The following RPL34 variants were observed in gnomAD, a reference collection of about 807,000 sequenced individuals.
RPL34 encodes the protein ribosomal protein L34.
A neutral mutation model predicts 16.3 loss-of-function variants in RPL34; 2 were observed. The ratio of observed to expected loss-of-function variants is 0.12; its 90% CI spans 0.05 to 0.39. The LOEUF (loss-of-function observed/expected upper bound fraction) is 0.39. Among genes scored for constraint, RPL34 ranks in the 10% least tolerant of loss-of-function variants. The probability of loss-of-function intolerance (pLI) is 0.99; values close to 1 mark genes in which losing one functional copy is unlikely to be tolerated. For missense variants in RPL34, 82 were observed against 148.8 expected, an observed-to-expected ratio of 0.55 and a Z score of 2.33; for synonymous variants, 47 against 48.5, an observed-to-expected ratio of 0.97 and a Z score of 0.13.
At chr4:108,621,015 G>A (rs1191269566) in intron 1 of RPL34, 2 of 152,186 alleles carry the variant, frequency 1.3e-5, no homozygotes, top group Admixed American at 1.3e-4. Context: ...TGGCTTCTGC[G>A]TCCAAGGCCC....
chr4:108,621,633 GT>G, intron 1 of RPL34: 1 of 292,688 alleles, frequency 3.4e-6, no homozygotes, highest in South Asian at 3.6e-5. Context: ...GTTTAAAGCG[GT>G]GTTTCTCCAA....
At chr4:108,622,868 C>A (rs1385282924) in intron 4 of RPL34, 1 of 374,440 alleles carries the variant, frequency 2.7e-6, no homozygotes, top group African/African-American at 2.1e-5. Flanking sequence ...GTAAGAAAGT[C>A]TCTGTTAGTG....
At chr4:108,628,796 T>C (rs575015219), downstream of RPL34, among the ~76,000 whole-genome samples, 40 of 152,288 alleles carry the variant, frequency 2.6e-4, no homozygotes, top group Non-Finnish European at 4.6e-4. Flanking sequence ...AATAGAATGA[T>C]AAAAAATCTC....
downstream of RPL34, among the ~76,000 whole-genome samples, chr4:108,628,146 G>T (rs1726074978): frequency 2.0e-5 from 3 of 152,200 alleles, no homozygotes; most frequent in Admixed American, 6.5e-5. Context: ...AAACGATTGA[G>T]ATACATTAGC....
downstream of RPL34, among the ~76,000 whole-genome samples, chr4:108,626,182 G>A (rs1725993960): frequency 6.6e-6 from 1 of 152,136 alleles, no homozygotes; most frequent in South Asian, 2.1e-4. Flanking sequence ...CACTCCTGCT[G>A]CCCAGCCTGG....
intron 4 of RPL34, among the ~76,000 whole-genome samples, chr4:108,624,486 A>G (rs1448589151): frequency 6.6e-6 from 1 of 152,200 alleles, no homozygotes; most frequent in Non-Finnish European, 1.5e-5. Context: ...GTCCTGTGCA[A>G]CACTGTAATG....
chr4:108,622,295 A>ACCACT, intron 3 of RPL34, 91 bp downstream of exon 3: 1 of 1,008,870 alleles, frequency 9.9e-7, no homozygotes, highest in Middle Eastern at 2.0e-4. Context: ...AGGAGAGGTT[A>ACCACT]CCACTAAGAG....
At position 108,625,195 on chromosome 4, in the gene RPL34, A is replaced by G; in HGVS notation, c.337A>G (p.Ser113Gly). 6.2e-7 allele frequency: 1 copy of G among 1,608,218 alleles called. No individual in the cohort carries two copies. The highest frequency in any genetic ancestry group is 8.5e-7 in the Non-Finnish European group (1 of 1,176,584). Reference protein sequence around the residue: ...VVKVLKAQAQSQKAK With the variant: ...VVKVLKAQAQGQKAK ...GAAAGTGTTGAAGGCACAAGCACAG[A>G]GTCAGAAAGCTAAATAAAAAAATGA... The change falls in exon 5 of 5, where the codon AGT becomes GGT. Residue 113 changes from serine (S) to glycine (G), a missense_variant. Transcript: ENST00000394667.
chr4:108,628,218 T>C (rs1381380407), downstream of RPL34, among the ~76,000 whole-genome samples: 1 of 152,216 alleles, frequency 6.6e-6, no homozygotes, highest in African/African-American at 2.4e-5. Context: ...GAATTAATTA[T>C]CTTGTATAAT....
chr4:108,623,323 ACT>A (rs1323262265), intron 4 of RPL34: 6 of 151,954 alleles, frequency 3.9e-5, no homozygotes, highest in Non-Finnish European at 8.8e-5. Context: ...CAGGAGCGAA[ACT>A]CTGTCTCAAA....
intron 3 of RPL34, 115 bp downstream of exon 3, chr4:108,622,319 T>C: frequency 2.3e-6 from 2 of 888,822 alleles, no homozygotes; most frequent in Non-Finnish European, 3.6e-6. Context: ...TCAGAATTAC[T>C]AAACATTCAT....
At chr4:108,628,664 G>A (rs1726090611), downstream of RPL34, among the ~76,000 whole-genome samples, 1 of 152,106 alleles carries the variant, frequency 6.6e-6, no homozygotes, top group Admixed American at 6.5e-5. Context: ...TGAAATGGGT[G>A]ACCTTTGAGA....
In RPL34 at chr4:108,622,579, C is replaced by T. The variant is rs764340052; in HGVS notation, c.230C>T (p.Ala77Val). 1.7e-5 allele frequency: 28 copies of T among 1,607,816 alleles called. No individual in the cohort carries two copies. The South Asian group carries it at 2.7e-4, about 15-fold the overall frequency. ...AAAACAAAGAAACATGTCAGCAGGG[C>T]CTATGGTGGTTCCATGTGTGCTAAA... Reference protein sequence around the residue: ...LSKTKKHVSRAYGGSMCAKCV... With the variant: ...LSKTKKHVSRVYGGSMCAKCV... Residue 77 changes from alanine (A) to valine (V), a missense_variant, in exon 4 of 5, where the codon GCC becomes GTC. Transcript: ENST00000394667.
At chr4:108,628,495 A>G (rs1237348166), downstream of RPL34, among the ~76,000 whole-genome samples, 1 of 152,210 alleles carries the variant, frequency 6.6e-6, no homozygotes, top group Non-Finnish European at 1.5e-5. Context: ...GTAATTTCTG[A>G]AAAAATTGCT....
At chr4:108,626,355 C>T (rs1421612238), downstream of RPL34, among the ~76,000 whole-genome samples, 24 of 151,976 alleles carry the variant, frequency 1.6e-4, no homozygotes, top group Admixed American at 1.6e-3. Flanking sequence ...TCTCAAAACT[C>T]CTGGGCTCAA....
downstream of RPL34, among the ~76,000 whole-genome samples, chr4:108,629,276 AAT>A (rs1440729714): frequency 3.3e-5 from 5 of 152,318 alleles, no homozygotes; most frequent in African/African-American, 1.2e-4. Flanking sequence ...CTTTTCAAAG[AAT>A]ATTTTAGTAG....
chr4:108,623,679 T>TA (rs1725877638), intron 4 of RPL34, among the ~76,000 whole-genome samples: 1 of 152,178 alleles, frequency 6.6e-6, no homozygotes, highest in African/African-American at 2.4e-5. Context: ...GTGCTGGGAA[T>TA]ACAGGTATAA....
intron 4 of RPL34, 27 bp from the exon 5 acceptor site, chr4:108,625,101 T>A: frequency 1.3e-6 from 2 of 1,489,038 alleles, no homozygotes; most frequent in Non-Finnish European, 1.9e-6. Context: ...TTTAAAGAAA[T>A]GATTAATTTG....
downstream of RPL34, chr4:108,630,081 T>G (rs534253850): frequency 6.6e-6 from 1 of 152,330 alleles, no homozygotes; most frequent in East Asian, 1.9e-4. Flanking sequence ...GAGCCAGTTG[T>G]GTGCATCTCT....
Sources: allele counts gnomAD v4.1 joint callset (sites outside exome capture counted in the v4.1 genomes callset), GRCh38; gene constraint gnomAD v4.1.1; transcripts MANE v1.5; gene names NCBI Gene and HGNC (gene_info 2026-07-23, HGNC 2026-07-21).